The following MFHAS1 variants were observed in gnomAD, a reference collection of about 807,000 sequenced individuals.
The protein encoded by MFHAS1 is malignant fibrous histiocytoma-amplified sequence 1.
Under a neutral mutation model 70.4 loss-of-function variants are expected in MFHAS1, and 50 were observed. The ratio of observed to expected loss-of-function variants is 0.71; its 90% CI spans 0.57 to 0.90. The LOEUF (loss-of-function observed/expected upper bound fraction) is 0.90, where lower values mean the gene tolerates loss of function less well. MFHAS1 is among the 40% of genes least tolerant of loss of function. MFHAS1 has a pLI of 0.00. For missense variants in MFHAS1, 1,795 were observed against 1,347.6 expected (o/e 1.33, Z -5.20); for synonymous variants, 952 against 620.0 (o/e 1.54, Z -7.96).
At chr8:8,855,173 G>A (rs750598997) in intron 1 of MFHAS1, among the ~76,000 whole-genome samples, 12 of 152,228 alleles carry the variant, frequency 7.9e-5, no homozygotes, top group African/African-American at 2.9e-4. Flanking sequence ...GGCTGGTCTC[G>A]AACTCCTGGG....
chr8:8,842,873 T>G (rs1476591572), intron 1 of MFHAS1, among the ~76,000 whole-genome samples: 2 of 152,208 alleles, frequency 1.3e-5, no homozygotes, highest in Non-Finnish European at 2.9e-5. Context: ...CCCTGTGATC[T>G]CTCCAATTTC....
intron 1 of MFHAS1, among the ~76,000 whole-genome samples, chr8:8,807,403 A>C (rs561437781): frequency 3.7e-4 from 57 of 152,072 alleles, no homozygotes; most frequent in Non-Finnish European, 7.1e-4. Context: ...CATTCTCCCT[A>C]ATCCTCACTT....
At chr8:8,867,086 A>C (rs908541349) in intron 1 of MFHAS1, among the ~76,000 whole-genome samples, 5 of 152,236 alleles carry the variant, frequency 3.3e-5, no homozygotes, top group African/African-American at 1.2e-4. Flanking sequence ...TAATATATTA[A>C]CAAAATTTCT....
At chr8:8,798,013 C>A (rs751554123) in intron 1 of MFHAS1, among the ~76,000 whole-genome samples, 5 of 152,234 alleles carry the variant, frequency 3.3e-5, no homozygotes, top group Non-Finnish European at 5.9e-5. Context: ...CTCCTCTGGG[C>A]AAGGGGATTG....
At chr8:8,856,546 C>A (rs552330597) in intron 1 of MFHAS1, among the ~76,000 whole-genome samples, 4 of 152,268 alleles carry the variant, frequency 2.6e-5, no homozygotes, top group African/African-American at 9.6e-5. Flanking sequence ...GTGGGAAACA[C>A]TGAATATATT....
intron 1 of MFHAS1, among the ~76,000 whole-genome samples, chr8:8,855,636 A>C (rs887205524): frequency 6.6e-6 from 1 of 152,150 alleles, no homozygotes; most frequent in African/African-American, 2.4e-5. Context: ...CGGGTGGATT[A>C]CTTGAGGTCA....
intron 1 of MFHAS1, among the ~76,000 whole-genome samples, chr8:8,826,346 T>G (rs1380375217): frequency 1.3e-5 from 2 of 152,052 alleles, no homozygotes; most frequent in South Asian, 2.1e-4. Flanking sequence ...GGATTGTGTG[T>G]CAGGGAAGAA....
At chr8:8,786,207 A>G (rs909307774) in intron 2 of MFHAS1, 152 bp from the exon 3 acceptor site, 2 of 714,130 alleles carry the variant, frequency 2.8e-6, no homozygotes, top group South Asian at 3.5e-5. Flanking sequence ...TGTAAATGTC[A>G]GGCAACTTAT....
intron 2 of MFHAS1, among the ~76,000 whole-genome samples, chr8:8,789,123 G>A (rs10094270): frequency 0.29 from 43,811 of 151,858 alleles, 6,928 homozygotes; most frequent in African/African-American, 0.39. Flanking sequence ...GCAGAGACGG[G>A]GGAAGTGGTG....
intron 1 of MFHAS1, among the ~76,000 whole-genome samples, chr8:8,849,064 C>CTTTTTTTTTTTTT (rs145250762): frequency 7.9e-5 from 6 of 75,804 alleles, no homozygotes; most frequent in African/African-American, 2.4e-4. Context: ...TCCTTTTTAC[C>CTTTTTTTTTTTTT]TTTTTTTTTT....
At chr8:8,836,800 G>A (rs1418351009) in intron 1 of MFHAS1, among the ~76,000 whole-genome samples, 1 of 152,120 alleles carries the variant, frequency 6.6e-6, no homozygotes, top group East Asian at 1.9e-4. Context: ...TCTGCACACA[G>A]GGGTCTAAAA....
intron 1 of MFHAS1, among the ~76,000 whole-genome samples, chr8:8,882,456 T>G (rs546309525): frequency 6.6e-6 from 1 of 150,868 alleles, no homozygotes; most frequent in East Asian, 2.0e-4. Context: ...CAGGCATCAA[T>G]TAAGAAATAG....
At chr8:8,855,848 G>A (rs1585054238) in intron 1 of MFHAS1, among the ~76,000 whole-genome samples, 1 of 152,182 alleles carries the variant, frequency 6.6e-6, no homozygotes, top group East Asian at 1.9e-4. Flanking sequence ...AGAGTGAGAC[G>A]CCGTCTCAAA....
In MFHAS1 at chr8:8,791,641, G is replaced by C. The variant is rs535992556; in HGVS notation, c.3126-5586C>G. On this transcript the variant is annotated intron_variant, in intron 2 of 2. Transcript: ENST00000276282. Reference sequence around the variant, plus strand: ...TGGGTCTCAACCTGAAGAGTAGCTGGACAGAGACAGGAATTCACAAATAAA... The same window carrying C: ...TGGGTCTCAACCTGAAGAGTAGCTGCACAGAGACAGGAATTCACAAATAAA... Among the ~76,000 whole-genome samples the C allele has an allele frequency of 3.3e-5, 5 of 152,300 alleles. No individual in the cohort carries two copies. The South Asian group carries it at 8.3e-4, about 25-fold the overall frequency.
At chr8:8,832,054 G>GCACACACACACACACACACACA (rs370279756) in intron 1 of MFHAS1, among the ~76,000 whole-genome samples, 1 of 112,604 alleles carries the variant, frequency 8.9e-6, no homozygotes, top group Non-Finnish European at 1.9e-5. Context: ...ATGCACGCGC[G>GCACACACACACACACACACACA]CGCGCGCGCA....
At position 8,886,971 on chromosome 8, in the gene MFHAS1, A is replaced by G. The variant is rs1585073872; in HGVS notation, c.2998+3090T>C. Reference sequence around the variant, plus strand: ...CGAAACCCCCGCCTCTACTAAAAATACAAAAATTAGCCAGGTGTGGTGGCG... The same window carrying G: ...CGAAACCCCCGCCTCTACTAAAAATGCAAAAATTAGCCAGGTGTGGTGGCG... On this transcript the variant is annotated intron_variant, in intron 1 of 2. Coordinates refer to ENST00000276282, the MANE Select transcript of MFHAS1 (RefSeq NM_004225.3). Among the ~76,000 whole-genome samples the G allele has an allele frequency of 2.0e-5, 3 of 152,328 alleles. No homozygotes were observed. In the South Asian group the frequency reaches 6.2e-4, roughly 32 times the overall value.
chr8:8,856,529 T>A (rs539007922), intron 1 of MFHAS1, among the ~76,000 whole-genome samples: 13 of 152,320 alleles, frequency 8.5e-5, no homozygotes, highest in Admixed American at 5.9e-4. Context: ...GGCTTTGGGA[T>A]CCACTGGTGG....
chr8:8,837,306 T>G (rs1009500848), intron 1 of MFHAS1, among the ~76,000 whole-genome samples: 1 of 151,880 alleles, frequency 6.6e-6, no homozygotes, highest in Admixed American at 6.6e-5. Flanking sequence ...AGCAAAGGAG[T>G]TGAATAGACA....
rs572638384 is a variant in MFHAS1, at chr8:8,872,881, G to A, written c.2998+17180C>T. ...AGGGGGAAATGCATATATTTCAGAGGCTTAACAAATACATTCAAAAGAACA... is the reference window on the plus strand; with the variant it reads ...AGGGGGAAATGCATATATTTCAGAGACTTAACAAATACATTCAAAAGAACA... On this transcript the variant is annotated intron_variant, in intron 1 of 2. Coordinates refer to ENST00000276282, the MANE Select transcript of MFHAS1 (RefSeq NM_004225.3). Among the ~76,000 whole-genome samples the A allele has an allele frequency of 9.8e-5, 15 of 152,292 alleles. No homozygotes were observed. The East Asian group carries it at 1.3e-3, about 14-fold the overall frequency.
Sources: gnomAD v4.1 joint callset for allele counts (sites outside exome capture counted in the v4.1 genomes callset) on GRCh38, gnomAD v4.1.1 for gene constraint, MANE v1.5 for transcripts, NCBI Gene and HGNC (gene_info 2026-07-23, HGNC 2026-07-21) for gene names.